Variants in EFNA5 observed in about 807,000 individuals in gnomAD.
EFNA5 encodes ephrin A5, also known as ephrin-A5.
A neutral mutation model predicts 22.9 loss-of-function variants in EFNA5; 5 were observed. That is an observed-to-expected ratio of 0.22 (90% CI 0.11 to 0.46). EFNA5 has a LOEUF of 0.46. Among genes scored for constraint, EFNA5 ranks in the 20% least tolerant of loss-of-function variants. The probability of loss-of-function intolerance (pLI) is 0.99; values close to 1 mark genes in which losing one functional copy is unlikely to be tolerated. For synonymous variants in EFNA5, 113 were observed against 112.2 expected, an observed-to-expected ratio of 1.01 and a Z score of -0.04; for missense variants, 237 against 293.3, an observed-to-expected ratio of 0.81 and a Z score of 1.40.
chr5:107,514,819 A>C (rs1407031568), intron 1 of EFNA5, among the ~76,000 whole-genome samples: 4 of 152,154 alleles, frequency 2.6e-5, no homozygotes, highest in African/African-American at 9.7e-5. Flanking sequence ...TCACTGACTT[A>C]ATCTCCTACC....
intron 1 of EFNA5, among the ~76,000 whole-genome samples, chr5:107,503,451 G>A (rs1412551152): frequency 6.6e-6 from 1 of 152,158 alleles, no homozygotes; most frequent in Non-Finnish European, 1.5e-5. Context: ...GAGGTGTTCC[G>A]ATGTCTATCT....
intron 1 of EFNA5, among the ~76,000 whole-genome samples, chr5:107,489,753 C>T (rs939021274): frequency 2.6e-5 from 4 of 151,206 alleles, no homozygotes; most frequent in African/African-American, 7.3e-5. Context: ...AATGAGAAAA[C>T]ATATCCATAG....
intron 1 of EFNA5, among the ~76,000 whole-genome samples, chr5:107,523,903 T>C (rs1747645016): frequency 6.6e-6 from 1 of 152,352 alleles, no homozygotes; most frequent in Non-Finnish European, 1.5e-5. Flanking sequence ...CCTTCTTACC[T>C]TCCAATTCAT....
intron 1 of EFNA5, among the ~76,000 whole-genome samples, chr5:107,485,653 T>C (rs26235): frequency 0.18 from 28,038 of 152,158 alleles, 5,075 homozygotes; most frequent in African/African-American, 0.46. Flanking sequence ...CTTTATGCTA[T>C]GGGGAACTAA....
chr5:107,483,214 T>G (rs1023569660), intron 1 of EFNA5, among the ~76,000 whole-genome samples: 3 of 152,158 alleles, frequency 2.0e-5, no homozygotes, highest in African/African-American at 4.8e-5. Flanking sequence ...TGTTGTTGTT[T>G]TTTTCCCCTG....
At chr5:107,668,015 C>T (rs1426937843) in intron 1 of EFNA5, among the ~76,000 whole-genome samples, 2 of 152,166 alleles carry the variant, frequency 1.3e-5, no homozygotes, top group Non-Finnish European at 2.9e-5. Flanking sequence ...TCTTATTCAA[C>T]ACTTCAGAGA....
intron 1 of EFNA5, among the ~76,000 whole-genome samples, chr5:107,543,425 G>A (rs916709366): frequency 2.6e-4 from 39 of 152,028 alleles, no homozygotes; most frequent in African/African-American, 9.4e-4. Context: ...TCTTTCTCAT[G>A]GCTGGATGGA....
At chr5:107,639,167 C>T (rs544755601) in intron 1 of EFNA5, among the ~76,000 whole-genome samples, 1 of 152,254 alleles carries the variant, frequency 6.6e-6, no homozygotes, top group East Asian at 1.9e-4. Context: ...CACAGAATAA[C>T]CTACATAAGT....
At chr5:107,629,874 T>C (rs1236503307) in intron 1 of EFNA5, among the ~76,000 whole-genome samples, 1 of 151,974 alleles carries the variant, frequency 6.6e-6, no homozygotes, top group Non-Finnish European at 1.5e-5. Context: ...CTGGCCAACA[T>C]GGTGATACCC....
chr5:107,599,655 A>T (rs1749548243), intron 1 of EFNA5, among the ~76,000 whole-genome samples: 2 of 152,262 alleles, frequency 1.3e-5, no homozygotes, highest in South Asian at 4.1e-4. Context: ...AGTAATCATA[A>T]ATATCACTGC....
chr5:107,536,443 C>A (rs1580518171), intron 1 of EFNA5, among the ~76,000 whole-genome samples: 1 of 152,118 alleles, frequency 6.6e-6, no homozygotes, highest in African/African-American at 2.4e-5. Flanking sequence ...CATTTCCTAC[C>A]ATAAGTCACT....
chr5:107,549,924 G>A (rs1390085767), intron 1 of EFNA5, among the ~76,000 whole-genome samples: 4 of 152,188 alleles, frequency 2.6e-5, no homozygotes, highest in African/African-American at 9.7e-5. Flanking sequence ...AAAAGGGATT[G>A]GTTAGTACCT....
At chr5:107,505,015 A>C (rs1747221152) in intron 1 of EFNA5, among the ~76,000 whole-genome samples, 1 of 152,174 alleles carries the variant, frequency 6.6e-6, no homozygotes, top group Admixed American at 6.6e-5. Context: ...CGTATCTTTA[A>C]TGCAATTTGT....
chr5:107,527,058 C>A (rs1007301800), intron 1 of EFNA5, among the ~76,000 whole-genome samples: 1 of 151,976 alleles, frequency 6.6e-6, no homozygotes, highest in Non-Finnish European at 1.5e-5. Context: ...GGAAAAAATA[C>A]CTTTGTGTTG....
At chr5:107,626,267 C>CT (rs1007660228) in intron 1 of EFNA5, among the ~76,000 whole-genome samples, 10 of 151,560 alleles carry the variant, frequency 6.6e-5, no homozygotes, top group Middle Eastern at 3.4e-3. Context: ...AGTATGTCTT[C>CT]TTTTTTTTTC....
rs1458002460 is a variant in EFNA5 at position 107,637,542 on chromosome 5, G to GTCT, written c.125+32946_125+32947insAGA. The stretch of plus-strand genomic sequence containing the variant: ...TCTGTGTGTGTGTGTGTGTGTGTGT[G>GTCT]GGTTTGCTTTTCAAGTATGGTACTG... On this transcript the variant is annotated intron_variant, in intron 1 of 4. Coordinates refer to ENST00000333274, the MANE Select transcript of EFNA5 (RefSeq NM_001962.3). Among the ~76,000 whole-genome samples the GTCT allele has an allele frequency of 3.4e-4, 52 of 151,540 alleles. 1 individual carries two copies. Among genetic ancestry groups the GTCT allele is most frequent in the Non-Finnish European group, 5.9e-4 (40 of 67,846 alleles).
At chr5:107,626,076 T>C (rs1199449040) in intron 1 of EFNA5, among the ~76,000 whole-genome samples, 1 of 152,178 alleles carries the variant, frequency 6.6e-6, no homozygotes, top group Non-Finnish European at 1.5e-5. Flanking sequence ...TAAGATCTTA[T>C]GAACTGATTA....
chr5:107,631,361 C>A (rs1250506187), intron 1 of EFNA5, among the ~76,000 whole-genome samples: 1 of 150,154 alleles, frequency 6.7e-6, no homozygotes, highest in Non-Finnish European at 1.5e-5. Flanking sequence ...TATGAATGTA[C>A]ATTTATACAC....
chr5:107,382,055 T>C (rs1294603095), intron 4 of EFNA5, among the ~76,000 whole-genome samples: 1 of 152,198 alleles, frequency 6.6e-6, no homozygotes, highest in Non-Finnish European at 1.5e-5. Flanking sequence ...AACTTGACTA[T>C]TTTTATTTTT....
Sources: gnomAD v4.1 joint callset for allele counts (sites outside exome capture counted in the v4.1 genomes callset) on GRCh38, gnomAD v4.1.1 for gene constraint, MANE v1.5 for transcripts, NCBI Gene and HGNC (gene_info 2026-07-23, HGNC 2026-07-21) for gene names.